Variants in RGS7 observed in about 807,000 individuals in gnomAD.
The protein encoded by RGS7 is regulator of G protein signaling 7, also known as regulator of G-protein signaling 7.
Under a neutral mutation model 81.1 loss-of-function variants are expected in RGS7, and 27 were observed. That is an observed-to-expected ratio of 0.33 (90% CI 0.25 to 0.46). The LOEUF (loss-of-function observed/expected upper bound fraction) is 0.46. RGS7 is among the 20% of genes least tolerant of loss of function. The pLI, the probability that RGS7 is intolerant of heterozygous loss-of-function variation, is 1.00. For missense variants in RGS7, 396 were observed against 607.4 expected (o/e 0.65, Z 3.66); for synonymous variants, 208 against 207.7 (o/e 1.00, Z -0.01).
rs1674344533 is a variant in RGS7 at position 240,925,820 on chromosome 1, T to G, written c.385+4897A>C. 2.0e-5 allele frequency among the ~76,000 whole-genome samples: 3 copies of G among 152,240 alleles called. No individual in the cohort carries two copies. The South Asian group carries it at 6.2e-4, about 31-fold the overall frequency. ...ATTGATTTTTTAGTAACAGCCATTCTGACTGGTGTGAGATCGTATATCATT... is the reference window on the plus strand; with the variant it reads ...ATTGATTTTTTAGTAACAGCCATTCGGACTGGTGTGAGATCGTATATCATT... On this transcript the variant is annotated intron_variant, in intron 6 of 18. Transcript: ENST00000440928.
At chr1:240,969,809 G>A (rs945305561) in intron 4 of RGS7, among the ~76,000 whole-genome samples, 1 of 152,192 alleles carries the variant, frequency 6.6e-6, no homozygotes. Flanking sequence ...CTGCTCCTCG[G>A]TTCTGCTGGG....
At chr1:241,072,989 T>C (rs2062567843) in intron 3 of RGS7, among the ~76,000 whole-genome samples, 1 of 152,126 alleles carries the variant, frequency 6.6e-6, no homozygotes. Flanking sequence ...TTCCTCTAGA[T>C]CCATTCTTAC....
chr1:241,112,961 G>C (rs926661153), intron 2 of RGS7, among the ~76,000 whole-genome samples: 5 of 152,136 alleles, frequency 3.3e-5, no homozygotes, highest in African/African-American at 9.7e-5. Context: ...CTTCTGGCTA[G>C]TCCATCTATG....
chr1:241,112,413 A>T (rs2102957420), intron 2 of RGS7, among the ~76,000 whole-genome samples: 1 of 152,266 alleles, frequency 6.6e-6, no homozygotes, highest in South Asian at 2.1e-4. Context: ...CCATGAAACA[A>T]TACCATGTTT....
At chr1:241,113,196 T>C (rs2065653337) in intron 2 of RGS7, among the ~76,000 whole-genome samples, 1 of 152,188 alleles carries the variant, frequency 6.6e-6, no homozygotes, top group Admixed American at 6.5e-5. Flanking sequence ...GAATGTCTAG[T>C]TGCCTTCTTC....
rs542684366 is a variant in RGS7, at chr1:240,796,212, A to G, written c.*6+4429T>C. Among the ~76,000 whole-genome samples the G allele has an allele frequency of 1.2e-4, 19 of 152,390 alleles. 2 individuals are homozygous for G. The highest frequency in any genetic ancestry group is 6.2e-4 in the South Asian group (3 of 4,828). ...ATGTTACCACTTATATATAATCTGC[A>G]TAAGGCTGTATTAACCAGTAATTCC... is the stretch of plus-strand genomic sequence containing the variant. On this transcript the variant is annotated intron_variant, in intron 18 of 18. Coordinates refer to ENST00000440928, the MANE Select transcript of RGS7 (RefSeq NM_001364886.1).
intron 2 of RGS7, among the ~76,000 whole-genome samples, chr1:241,187,082 G>C (rs530027631): frequency 6.6e-6 from 1 of 152,158 alleles, no homozygotes; most frequent in South Asian, 2.1e-4. Flanking sequence ...GACAATTTTT[G>C]AAGTACTGAA....
At chr1:241,288,495 G>C (rs1414493894) in intron 2 of RGS7, among the ~76,000 whole-genome samples, 1 of 152,138 alleles carries the variant, frequency 6.6e-6, no homozygotes, top group Non-Finnish European at 1.5e-5. Context: ...AGTCCTCCAA[G>C]TTCCACCCAA....
chr1:240,795,401 T>A (rs2103028112), intron 18 of RGS7, among the ~76,000 whole-genome samples: 1 of 152,268 alleles, frequency 6.6e-6, no homozygotes, highest in South Asian at 2.1e-4. Flanking sequence ...GTTTTGGAAA[T>A]CAGGAATACA....
intron 2 of RGS7, among the ~76,000 whole-genome samples, chr1:241,229,388 C>A (rs1004507853): frequency 5.3e-5 from 8 of 152,212 alleles, no homozygotes; most frequent in Non-Finnish European, 1.0e-4. Flanking sequence ...CCTTTGAATT[C>A]TTGGCAGCCA....
chr1:241,019,967 AAAAAGAGTGATGACTTC>A (rs1055856031), intron 3 of RGS7, among the ~76,000 whole-genome samples: 2 of 152,208 alleles, frequency 1.3e-5, no homozygotes, highest in Non-Finnish European at 2.9e-5. Context: ...GTGATGACTT[AAAAAGAGTGATGACTTC>A]AAAAGAGTGA....
intron 3 of RGS7, among the ~76,000 whole-genome samples, chr1:241,001,902 T>C (rs1003388403): frequency 3.3e-5 from 5 of 152,156 alleles, no homozygotes; most frequent in African/African-American, 7.2e-5. Context: ...TAAACCCTAA[T>C]GTATACTATG....
At chr1:241,078,485 A>ATATGTG (rs145183501) in intron 3 of RGS7, among the ~76,000 whole-genome samples, 3 of 143,608 alleles carry the variant, frequency 2.1e-5, no homozygotes, top group African/African-American at 7.7e-5. Flanking sequence ...CACGTAAGTT[A>ATATGTG]TGTGTGTGTG....
chr1:240,996,901 C>T lies in RGS7; in HGVS notation c.176-13772G>A, dbSNP rs144603282. 1.7e-3 allele frequency among the ~76,000 whole-genome samples: 265 copies of T among 152,026 alleles called. 2 individuals carry two copies. The highest frequency in any genetic ancestry group is 2.9e-3 in the Non-Finnish European group (200 of 67,982). On this transcript the variant is annotated intron_variant, in intron 3 of 18. Transcript: ENST00000440928. ...GGTTTTTTTTCTTGTTCCTGCCTTC[C>T]AGTGGATTGCATTAATATTTTTTAA... is the stretch of plus-strand genomic sequence containing the variant.
Position 241,173,739 on chromosome 1 carries a change from C to T in RGS7, c.79-74977G>A, listed in dbSNP as rs1482866703. 2.0e-5 allele frequency among the ~76,000 whole-genome samples: 3 copies of T among 152,086 alleles called. No individual in the cohort carries two copies. In the East Asian group the frequency reaches 5.8e-4, roughly 29 times the overall value. ...GAGGCTGCAATCAGCCATGATAGCA[C>T]CATTGTACTCTAGCCTGGGCAAGGA... On this transcript the variant is annotated intron_variant, in intron 2 of 18. Coordinates refer to ENST00000440928, the MANE Select transcript of RGS7 (RefSeq NM_001364886.1).
intron 2 of RGS7, among the ~76,000 whole-genome samples, chr1:241,167,973 A>C (rs557516251): frequency 6.6e-6 from 1 of 152,192 alleles, no homozygotes; most frequent in Admixed American, 6.5e-5. Context: ...TTCAGACTGC[A>C]TGTCTTCAAG....
At chr1:240,897,131 A>G (rs1245329017) in intron 6 of RGS7, among the ~76,000 whole-genome samples, 3 of 152,158 alleles carry the variant, frequency 2.0e-5, no homozygotes, top group Non-Finnish European at 2.9e-5. Context: ...CATTGATTTT[A>G]TATCCTGAGA....
At chr1:241,211,452 C>T (rs994685592) in intron 2 of RGS7, among the ~76,000 whole-genome samples, 6 of 152,140 alleles carry the variant, frequency 3.9e-5, no homozygotes, top group East Asian at 1.9e-4. Flanking sequence ...GACCTGTCAC[C>T]GTCACCGTAG....
intron 2 of RGS7, among the ~76,000 whole-genome samples, chr1:241,157,776 A>T (rs2069280928): frequency 6.6e-6 from 1 of 151,658 alleles, no homozygotes; most frequent in Non-Finnish European, 1.5e-5. Flanking sequence ...TATAAAATCT[A>T]ATTTGTAGTG....
Sources: gnomAD v4.1 joint callset for allele counts (sites outside exome capture counted in the v4.1 genomes callset) on GRCh38, gnomAD v4.1.1 for gene constraint, MANE v1.5 for transcripts, NCBI Gene and HGNC (gene_info 2026-07-23, HGNC 2026-07-21) for gene names.